The following RSPO2 variants were observed in gnomAD, a reference collection of about 807,000 sequenced individuals.
RSPO2 encodes the protein R-spondin-2.
In RSPO2, 14 loss-of-function variants were observed where a neutral mutation model predicts 30.9. That is an observed-to-expected ratio of 0.45 (90% CI 0.30 to 0.71). RSPO2 has a LOEUF of 0.71. RSPO2 is among the 30% of genes least tolerant of loss of function. The pLI is 0.08. For synonymous variants in RSPO2, 107 were observed against 96.4 expected (o/e 1.11, Z -0.64); for missense variants, 264 against 301.9 (o/e 0.87, Z 0.93).
chr8:108,024,788 G>T (rs1337734926), intron 2 of RSPO2, among the ~76,000 whole-genome samples: 1 of 152,228 alleles, frequency 6.6e-6, no homozygotes, highest in Non-Finnish European at 1.5e-5. Flanking sequence ...GGGAGGCCAA[G>T]GTGGGTGGAT....
intron 3 of RSPO2, among the ~76,000 whole-genome samples, chr8:107,961,797 T>C (rs999195575): frequency 2.6e-5 from 4 of 152,130 alleles, no homozygotes; most frequent in Non-Finnish European, 5.9e-5. Flanking sequence ...GAAGCCACAG[T>C]GAATTAGAAA....
intron 2 of RSPO2, among the ~76,000 whole-genome samples, chr8:108,060,963 C>G (rs533361758): frequency 6.6e-6 from 1 of 151,764 alleles, no homozygotes; most frequent in African/African-American, 2.4e-5. Flanking sequence ...GAAATAAAAT[C>G]CTTTACAGAC....
At chr8:108,082,492 T>C in intron 2 of RSPO2, 53 bp downstream of exon 2, 1 of 1,432,338 alleles carries the variant, frequency 7.0e-7, no homozygotes. Flanking sequence ...AGTGAGCGCC[T>C]CCACACGCCA....
intron 2 of RSPO2, among the ~76,000 whole-genome samples, chr8:108,063,984 A>G (rs1482843235): frequency 6.6e-6 from 1 of 152,246 alleles, no homozygotes; most frequent in Non-Finnish European, 1.5e-5. Context: ...ATATGTAGAA[A>G]GCTGAAGCTG....
chr8:108,060,218 A>T (rs1030358203), intron 2 of RSPO2, among the ~76,000 whole-genome samples: 11 of 151,780 alleles, frequency 7.2e-5, no homozygotes, highest in South Asian at 4.1e-4. Flanking sequence ...AGAAGGCTTC[A>T]GACGATCAAA....
Position 108,060,555 on chromosome 8 carries a change from C to G in RSPO2, c.94+21990G>C, listed in dbSNP as rs193065218. On this transcript the variant is annotated intron_variant, in intron 2 of 5. Coordinates refer to ENST00000276659, the MANE Select transcript of RSPO2 (RefSeq NM_178565.5). ...TATGTGAAAAGACCAAATCTACGTC[C>G]GATTGGTGTACCTGAAAGTGATGGG... is the stretch of plus-strand genomic sequence containing the variant. Among the ~76,000 whole-genome samples, 7 of 151,728 alleles carry G rather than the reference C, an allele frequency of 4.6e-5. 1 individual carries two copies. Among genetic ancestry groups the G allele is most frequent in the African/African-American group, 1.2e-4 (5 of 41,154 alleles).
At chr8:107,937,156 T>TG (rs1409724029) in intron 5 of RSPO2, among the ~76,000 whole-genome samples, 2 of 146,660 alleles carry the variant, frequency 1.4e-5, no homozygotes, top group South Asian at 2.1e-4. Flanking sequence ...CTTCAGTTGT[T>TG]TTTTTTTTTT....
chr8:107,981,048 A>G (rs1040005754), intron 3 of RSPO2, among the ~76,000 whole-genome samples: 5 of 152,218 alleles, frequency 3.3e-5, no homozygotes, highest in African/African-American at 1.2e-4. Context: ...TTACATCAAT[A>G]TATTTGGAAG....
chr8:107,924,036 C>G (rs1812273943), intron 5 of RSPO2, among the ~76,000 whole-genome samples: 1 of 151,604 alleles, frequency 6.6e-6, no homozygotes, highest in African/African-American at 2.4e-5. Context: ...CAAACAACCC[C>G]CTTGACACAA....
At chr8:107,987,869 A>G (rs1487648630) in intron 3 of RSPO2, among the ~76,000 whole-genome samples, 1 of 152,170 alleles carries the variant, frequency 6.6e-6, no homozygotes, top group African/African-American at 2.4e-5. Flanking sequence ...TGTTAATGGG[A>G]GATCATTAAA....
intron 2 of RSPO2, among the ~76,000 whole-genome samples, chr8:108,045,641 G>A (rs1231807861): frequency 6.6e-6 from 1 of 151,986 alleles, no homozygotes; most frequent in Non-Finnish European, 1.5e-5. Flanking sequence ...ATTTTTGTTG[G>A]GAGGGCAGAT....
At chr8:108,035,750 C>A (rs73321454) in intron 2 of RSPO2, among the ~76,000 whole-genome samples, 2 of 151,842 alleles carry the variant, frequency 1.3e-5, no homozygotes. Context: ...GGATTACAGG[C>A]AATTCCTCAC....
chr8:107,933,111 A>G (rs562527120), intron 5 of RSPO2, among the ~76,000 whole-genome samples: 25 of 152,258 alleles, frequency 1.6e-4, no homozygotes, highest in Admixed American at 4.6e-4. Context: ...TCCATCATAA[A>G]AAGACTAACA....
At position 108,054,681 on chromosome 8, in the gene RSPO2, G is replaced by C. The variant is rs148436477; in HGVS notation, c.94+27864C>G. Among the ~76,000 whole-genome samples, 31 of 152,312 alleles carry C rather than the reference G, an allele frequency of 2.0e-4. No homozygotes were observed. The East Asian group carries it at 5.6e-3, about 27-fold the overall frequency. ...ATACAACAGAGCAGAGCTAGATGTA[G>C]GGCACAATAAGTGAGGCGCCTAGCA... On this transcript the variant is annotated intron_variant, in intron 2 of 5. Transcript: ENST00000276659.
At chr8:107,951,196 C>T (rs940268243) in intron 5 of RSPO2, among the ~76,000 whole-genome samples, 1 of 151,948 alleles carries the variant, frequency 6.6e-6, no homozygotes, top group African/African-American at 2.4e-5. Flanking sequence ...GCTGGGATCA[C>T]AGGCATGTAC....
At position 108,082,718 on chromosome 8, in the gene RSPO2, G is replaced by T; in HGVS notation, c.-80C>A. The stretch of plus-strand genomic sequence containing the variant: ...CGCCCAAAGAGCCGGCGCCGGCCGC[G>T]CTGCTGGGGAGGACTCAGAGGGAGA... On this transcript the variant is annotated 5_prime_UTR_variant, in exon 2 of 6. Transcript: ENST00000276659. The T allele has an allele frequency of 1.6e-6, 2 of 1,248,344 alleles. No homozygotes were observed. The highest frequency in any genetic ancestry group is 2.3e-6 in the Non-Finnish European group (2 of 866,334). 77.3% of individuals were successfully genotyped at this position (1,248,344 alleles called of 1,614,324 possible). A position where few individuals can be genotyped will look rare whatever the true frequency, so the allele number is the denominator to read the frequency against.
intron 5 of RSPO2, among the ~76,000 whole-genome samples, chr8:107,903,029 A>G (rs1247098963): frequency 1.3e-5 from 2 of 152,138 alleles, no homozygotes; most frequent in Non-Finnish European, 2.9e-5. Context: ...ATTATCTCTA[A>G]TGATGAGACA....
chr8:107,981,562 A>T (rs887123216), intron 3 of RSPO2, among the ~76,000 whole-genome samples: 5 of 152,194 alleles, frequency 3.3e-5, no homozygotes, highest in Non-Finnish European at 5.9e-5. Context: ...GTGTTTCTAA[A>T]GGCATTCAAA....
intron 2 of RSPO2, among the ~76,000 whole-genome samples, chr8:108,080,920 G>A (rs1327294096): frequency 1.3e-5 from 2 of 152,138 alleles, no homozygotes; most frequent in Non-Finnish European, 2.9e-5. Context: ...TGGCTCTGCC[G>A]AATACTCGAA....
Sources: gnomAD v4.1 joint callset for allele counts (sites outside exome capture counted in the v4.1 genomes callset) on GRCh38, gnomAD v4.1.1 for gene constraint, MANE v1.5 for transcripts, NCBI Gene and HGNC (gene_info 2026-07-23, HGNC 2026-07-21) for gene names.